The following DTWD2 variants were observed in gnomAD, a reference collection of about 807,000 sequenced individuals.
DTWD2 encodes the protein tRNA-uridine aminocarboxypropyltransferase 2.
Under a neutral mutation model 31.8 loss-of-function variants are expected in DTWD2, and 39 were observed. The ratio of observed to expected loss-of-function variants is 1.22; its 90% CI spans 0.95 to 1.60. The LOEUF (loss-of-function observed/expected upper bound fraction) is 1.60, where lower values mean the gene tolerates loss of function less well. Ranked by LOEUF, DTWD2 falls within the 40% of genes most tolerant of loss-of-function variation. The pLI is 0.00. For synonymous variants in DTWD2, 180 were observed against 142.8 expected (o/e 1.26, Z -1.86); for missense variants, 515 against 381.5 (o/e 1.35, Z -2.92).
chr5:118,932,701 G>C (rs1353897875), intron 3 of DTWD2, among the ~76,000 whole-genome samples: 1 of 152,122 alleles, frequency 6.6e-6, no homozygotes, highest in African/African-American at 2.4e-5. Context: ...CTGTTCAGAG[G>C]GACAACCATA....
chr5:118,846,877 T>G (rs981724197), intron 5 of DTWD2, among the ~76,000 whole-genome samples: 1 of 138,122 alleles, frequency 7.2e-6, no homozygotes, highest in African/African-American at 2.6e-5. Flanking sequence ...GCAGAGAAAG[T>G]GAAATTGCCT....
intron 1 of DTWD2, among the ~76,000 whole-genome samples, chr5:118,968,813 G>A (rs554176635): frequency 3.3e-5 from 5 of 152,278 alleles, no homozygotes; most frequent in South Asian, 2.1e-4. Flanking sequence ...GAATCCAGGG[G>A]GCCAAGCAGC....
At chr5:118,974,678 G>A (rs1361780788) in intron 1 of DTWD2, 1 of 509,298 alleles carries the variant, frequency 2.0e-6, no homozygotes, top group Non-Finnish European at 4.0e-6. Context: ...AAAGGCCAAA[G>A]ATAAAAGGTT....
intron 2 of DTWD2, among the ~76,000 whole-genome samples, chr5:118,940,594 TATC>T (rs1290328063): frequency 6.6e-6 from 1 of 152,216 alleles, no homozygotes; most frequent in Admixed American, 6.5e-5. Context: ...AACTACCAAT[TATC>T]ATCATCATAA....
intron 4 of DTWD2, among the ~76,000 whole-genome samples, chr5:118,885,367 G>A (rs889738594): frequency 4.8e-5 from 7 of 146,608 alleles, no homozygotes; most frequent in South Asian, 2.1e-4. Context: ...CGGAAGAATC[G>A]CTTGAACCCG....
chr5:118,885,065 T>C (rs1431030376), intron 4 of DTWD2, among the ~76,000 whole-genome samples: 8 of 150,238 alleles, frequency 5.3e-5, no homozygotes, highest in African/African-American at 2.0e-4. Flanking sequence ...TCCCAACACT[T>C]TGGGAAGCCA....
intron 3 of DTWD2, among the ~76,000 whole-genome samples, chr5:118,933,501 C>A (rs553946704): frequency 5.9e-5 from 9 of 152,182 alleles, no homozygotes; most frequent in Admixed American, 5.2e-4. Flanking sequence ...GTTTAACATT[C>A]AAAATCAATA....
At chr5:118,884,414 G>A (rs1752810271) in intron 4 of DTWD2, among the ~76,000 whole-genome samples, 1 of 152,138 alleles carries the variant, frequency 6.6e-6, no homozygotes, top group South Asian at 2.1e-4. Flanking sequence ...AACCACATCA[G>A]TAACACTAGA....
intron 4 of DTWD2, among the ~76,000 whole-genome samples, chr5:118,917,875 G>A: frequency 6.6e-6 from 1 of 152,014 alleles, no homozygotes; most frequent in Middle Eastern, 3.4e-3. Flanking sequence ...TGAGGCAGGA[G>A]AATCGCTTGA....
intron 1 of DTWD2, chr5:118,973,723 G>A: frequency 6.4e-7 from 1 of 1,570,614 alleles, no homozygotes; most frequent in Non-Finnish European, 8.7e-7. Flanking sequence ...GACTCCGGCA[G>A]CTTTATCGCC....
chr5:118,919,310 G>A (rs1269686638), intron 4 of DTWD2, among the ~76,000 whole-genome samples: 1 of 152,210 alleles, frequency 6.6e-6, no homozygotes, highest in African/African-American at 2.4e-5. Flanking sequence ...TTCCTTCACA[G>A]AGAATGTAAA....
chr5:118,859,567 A>T (rs1395362802), intron 4 of DTWD2, among the ~76,000 whole-genome samples: 2 of 152,070 alleles, frequency 1.3e-5, no homozygotes, highest in African/African-American at 2.4e-5. Flanking sequence ...ATTAGTTTTG[A>T]TGTCTTCTTT....
chr5:118,936,694 C>T (rs1015898764), intron 3 of DTWD2, among the ~76,000 whole-genome samples: 3 of 151,604 alleles, frequency 2.0e-5, no homozygotes, highest in African/African-American at 7.3e-5. Flanking sequence ...GTTTTAAAAT[C>T]TGTTATCTAA....
intron 3 of DTWD2, among the ~76,000 whole-genome samples, chr5:118,936,568 G>C (rs897577757): frequency 6.6e-6 from 1 of 151,910 alleles, no homozygotes; most frequent in African/African-American, 2.4e-5. Context: ...ACTTTGGAAG[G>C]CCAAGATGAG....
At chr5:118,845,871 A>T (rs1751840739) in intron 5 of DTWD2, among the ~76,000 whole-genome samples, 1 of 152,154 alleles carries the variant, frequency 6.6e-6, no homozygotes, top group Non-Finnish European at 1.5e-5. Context: ...TGTTTTTAAG[A>T]TATCACATCA....
At position 118,860,271 on chromosome 5, in the gene DTWD2, A is replaced by G. The variant is rs116652920; in HGVS notation, c.598-12053T>C. 6.4e-3 allele frequency among the ~76,000 whole-genome samples: 960 copies of G among 150,420 alleles called. 17 individuals carry two copies. The highest frequency in any genetic ancestry group is 0.022 in the African/African-American group (906 of 41,230). On this transcript the variant is annotated intron_variant, in intron 4 of 5. Coordinates refer to ENST00000510708, the MANE Select transcript of DTWD2 (RefSeq NM_173666.4). Reference sequence around the variant, plus strand: ...AAATGAATATATCATATAAATTAACATGGCTTTCTTACACAAAATGTATGC... The same window carrying G: ...AAATGAATATATCATATAAATTAACGTGGCTTTCTTACACAAAATGTATGC...
intron 1 of DTWD2, among the ~76,000 whole-genome samples, chr5:118,985,700 G>C (rs1450118395): frequency 6.6e-6 from 1 of 151,742 alleles, no homozygotes; most frequent in Non-Finnish European, 1.5e-5. Flanking sequence ...CATATAAAAA[G>C]TGTTTAAATC....
chr5:118,947,605 G>A (rs1484582675), intron 1 of DTWD2, among the ~76,000 whole-genome samples: 2 of 152,176 alleles, frequency 1.3e-5, no homozygotes, highest in African/African-American at 2.4e-5. Context: ...GTACAGGATG[G>A]GGGTGGAACG....
intron 1 of DTWD2, among the ~76,000 whole-genome samples, chr5:118,975,172 A>C (rs1755122652): frequency 1.3e-5 from 2 of 152,130 alleles, no homozygotes; most frequent in Non-Finnish European, 2.9e-5. Context: ...AATCAAACAT[A>C]GGTTTGGTCT....
Sources: gnomAD v4.1 joint callset for allele counts (sites outside exome capture counted in the v4.1 genomes callset) on GRCh38, gnomAD v4.1.1 for gene constraint, MANE v1.5 for transcripts, NCBI Gene and HGNC (gene_info 2026-07-23, HGNC 2026-07-21) for gene names.